ENOX1: variants seen among roughly 807,000 people sequenced by gnomAD.
ENOX1 encodes the protein ecto-NOX disulfide-thiol exchanger 1, also known as candidate growth-related and time keeping constitutive hydroquinone (NADH) oxidase.
ENOX1 carries 42 observed loss-of-function variants against 82.5 expected under a neutral mutation model. The observed-to-expected ratio is 0.51, with a 90% CI of 0.40 to 0.66. ENOX1 has a LOEUF of 0.66. Among genes scored for constraint, ENOX1 ranks in the 30% least tolerant of loss-of-function variants. The probability of loss-of-function intolerance (pLI) is 0.00; values close to 1 mark genes in which losing one functional copy is unlikely to be tolerated. For missense variants in ENOX1, 608 were observed against 811.6 expected (o/e 0.75, Z 3.05); for synonymous variants, 271 against 282.2 (o/e 0.96, Z 0.40).
chr13:43,297,538 C>T (rs2046346703), intron 12 of ENOX1, among the ~76,000 whole-genome samples: 1 of 151,928 alleles, frequency 6.6e-6, no homozygotes, highest in Admixed American at 6.5e-5. Context: ...GGCCCAAACA[C>T]CTTAAGAATA....
chr13:43,496,133 GT>G (rs989238076), intron 2 of ENOX1, among the ~76,000 whole-genome samples: 3 of 151,822 alleles, frequency 2.0e-5, no homozygotes, highest in African/African-American at 7.3e-5. Flanking sequence ...TATTAAAAAT[GT>G]TTTTTTATAG....
intron 5 of ENOX1, among the ~76,000 whole-genome samples, chr13:43,361,706 A>C (rs2153560500): frequency 6.6e-6 from 1 of 152,360 alleles, no homozygotes; most frequent in African/African-American, 2.4e-5. Context: ...ACAGCATATT[A>C]AAATGTAAAA....
chr13:43,266,264 T>C (rs1270238813), intron 13 of ENOX1, among the ~76,000 whole-genome samples: 1 of 152,204 alleles, frequency 6.6e-6, no homozygotes, highest in Non-Finnish European at 1.5e-5. Context: ...TTATCTTTTT[T>C]ATACCTAATA....
At chr13:43,294,698 TC>T (rs761594638) in intron 12 of ENOX1, among the ~76,000 whole-genome samples, 1 of 152,234 alleles carries the variant, frequency 6.6e-6, no homozygotes, top group Non-Finnish European at 1.5e-5. Context: ...GCAGATTTAT[TC>T]CCATTTGTCC....
At chr13:43,323,754 A>G (rs1247922958) in intron 10 of ENOX1, among the ~76,000 whole-genome samples, 1 of 152,082 alleles carries the variant, frequency 6.6e-6, no homozygotes, top group Non-Finnish European at 1.5e-5. Flanking sequence ...ATAAAACTAA[A>G]TTACTACAAC....
At chr13:43,554,401 G>A (rs960123587) in intron 2 of ENOX1, among the ~76,000 whole-genome samples, 11 of 152,156 alleles carry the variant, frequency 7.2e-5, no homozygotes, top group Admixed American at 3.3e-4. Context: ...TAAAAACATA[G>A]TTAGATCTGT....
chr13:43,751,550 T>G (rs998758886), intron 1 of ENOX1, among the ~76,000 whole-genome samples: 7 of 152,218 alleles, frequency 4.6e-5, no homozygotes, highest in Admixed American at 2.6e-4. Flanking sequence ...TCTCTGTCCC[T>G]CATCCCCAGG....
chr13:43,601,968 G>C (rs1035116918), intron 2 of ENOX1, among the ~76,000 whole-genome samples: 2 of 151,608 alleles, frequency 1.3e-5, no homozygotes, highest in Non-Finnish European at 2.9e-5. Flanking sequence ...CCTTCAAATA[G>C]GAAGGAGAAA....
chr13:43,223,451 G>T (rs1026769442), intron 16 of ENOX1, among the ~76,000 whole-genome samples: 1 of 152,144 alleles, frequency 6.6e-6, no homozygotes, highest in Non-Finnish European at 1.5e-5. Context: ...ATACTGCGGT[G>T]GGGTAGGAGT....
intron 11 of ENOX1, among the ~76,000 whole-genome samples, chr13:43,314,411 G>A (rs1384966696): frequency 2.0e-5 from 3 of 152,148 alleles, no homozygotes; most frequent in African/African-American, 7.2e-5. Context: ...AATTCTACAA[G>A]ACATCATCCT....
At chr13:43,519,444 G>A (rs1175889992) in intron 2 of ENOX1, among the ~76,000 whole-genome samples, 1 of 152,150 alleles carries the variant, frequency 6.6e-6, no homozygotes, top group East Asian at 1.9e-4. Context: ...CCTGGTTGGC[G>A]ACTGCTTTGA....
intron 1 of ENOX1, among the ~76,000 whole-genome samples, chr13:43,707,016 G>A (rs2087339670): frequency 6.6e-6 from 1 of 151,896 alleles, no homozygotes; most frequent in South Asian, 2.1e-4. Flanking sequence ...AAATTTTAAG[G>A]AATGTACATA....
At chr13:43,377,976 T>G (rs773842033) in intron 5 of ENOX1, among the ~76,000 whole-genome samples, 1 of 152,206 alleles carries the variant, frequency 6.6e-6, no homozygotes, top group Non-Finnish European at 1.5e-5. Context: ...TATCATTTGT[T>G]AAATATTTAG....
Position 43,360,046 on chromosome 13 carries a change from G to A in ENOX1, c.394C>T (p.Pro132Ser), listed in dbSNP as rs1317898686. 1.2e-6 allele frequency: 2 copies of A among 1,614,022 alleles called. No homozygotes were observed. Among genetic ancestry groups the A allele is most frequent in the Non-Finnish European group, 1.7e-6 (2 of 1,179,966 alleles). ...LFPQNPNLPP[P>S]STRERPPGCK... ...CCAGGAGGTCGTTCTCTTGTGGAAG[G>A]AGGTGGAAGATCTAATAATCACAAC... The change falls in exon 7 of 17, where the codon CCT (proline) becomes TCT (serine). Residue 132 changes from proline (P) to serine (S), a missense_variant. Transcript: ENST00000690772.
chr13:43,269,376 C>G, intron 13 of ENOX1, 94 bp downstream of exon 13: 1 of 956,892 alleles, frequency 1.0e-6, no homozygotes, highest in African/African-American at 1.6e-5. Context: ...CTGCAGATTA[C>G]TTTCAGTAAA....
At chr13:43,517,531 C>T (rs1043076371) in intron 2 of ENOX1, among the ~76,000 whole-genome samples, 2 of 152,072 alleles carry the variant, frequency 1.3e-5, no homozygotes, top group African/African-American at 2.4e-5. Flanking sequence ...TAGGTCTCTA[C>T]AAGTTTCATG....
intron 2 of ENOX1, among the ~76,000 whole-genome samples, chr13:43,499,929 T>C (rs945909678): frequency 6.6e-6 from 1 of 151,866 alleles, no homozygotes; most frequent in Non-Finnish European, 1.5e-5. Flanking sequence ...GGAGCTGCAG[T>C]TATTATGACT....
At position 43,718,676 on chromosome 13, in the gene ENOX1, C is replaced by CAAAAAAAAA. The variant is rs61671392; in HGVS notation, c.-284-51141_-284-51133dup. Among the ~76,000 whole-genome samples, 40 of 55,590 alleles carry CAAAAAAAAA rather than the reference C, an allele frequency of 7.2e-4. 1 individual carries two copies. The highest frequency in any genetic ancestry group is 1.3e-3 in the African/African-American group (16 of 12,688). 36.5% of individuals were successfully genotyped at this position (55,590 alleles called of 152,430 possible). ...TGGGAGACAAAGCAAGACTCCGTCT[C>CAAAAAAAAA]AAAAAAAAAAAAAAAAAAAAAAAAA... On this transcript the variant is annotated intron_variant, in intron 1 of 16. Coordinates refer to ENST00000690772, the MANE Select transcript of ENOX1 (RefSeq NM_001347969.2).
chr13:43,623,204 G>T (rs891066328), intron 2 of ENOX1, among the ~76,000 whole-genome samples: 2 of 152,108 alleles, frequency 1.3e-5, no homozygotes, highest in Admixed American at 1.3e-4. Flanking sequence ...GAAAGAAAAG[G>T]GTTTGGTTTT....
Sources: allele counts gnomAD v4.1 joint callset (sites outside exome capture counted in the v4.1 genomes callset), GRCh38; gene constraint gnomAD v4.1.1; transcripts MANE v1.5; gene names NCBI Gene and HGNC (gene_info 2026-07-23, HGNC 2026-07-21).